SPATA6: variants seen among roughly 807,000 people sequenced by gnomAD.
SPATA6 encodes the protein spermatogenesis associated 6, also known as spermatogenesis-associated protein 6.
SPATA6 carries 56 observed loss-of-function variants against 65.3 expected under a neutral mutation model. That is an observed-to-expected ratio of 0.86 (90% CI 0.69 to 1.07). The LOEUF is 1.07. Among genes scored for constraint, SPATA6 ranks in the 50% least tolerant of loss-of-function variants. The pLI, the probability that SPATA6 is intolerant of heterozygous loss-of-function variation, is 0.00. For missense variants in SPATA6, 590 were observed against 594.8 expected, an observed-to-expected ratio of 0.99 and a Z score of 0.08; for synonymous variants, 199 against 213.2, an observed-to-expected ratio of 0.93 and a Z score of 0.58.
chr1:48,347,714 A>G lies in SPATA6; in HGVS notation c.1194+7956T>C, dbSNP rs111959950. Among the ~76,000 whole-genome samples the G allele has an allele frequency of 5.3e-3, 807 of 152,004 alleles. 1 individual carries two copies. The highest frequency in any genetic ancestry group is 7.9e-3 in the Non-Finnish European group (540 of 67,942). On this transcript the variant is annotated intron_variant, in intron 11 of 12. Transcript: ENST00000371847. ...GGTTTTAAGATTTATAACTTTTCCA[A>G]CTGCTCCTGTAGGTAACATCACTAT...
intron 11 of SPATA6, among the ~76,000 whole-genome samples, chr1:48,314,001 T>G (rs1645316608): frequency 6.6e-6 from 1 of 152,160 alleles, no homozygotes; most frequent in South Asian, 2.1e-4. Flanking sequence ...CTATCCTAAA[T>G]ACATATGCAC....
intron 6 of SPATA6, among the ~76,000 whole-genome samples, chr1:48,402,291 T>G (rs1197880968): frequency 6.6e-6 from 1 of 152,156 alleles, no homozygotes; most frequent in East Asian, 1.9e-4. Context: ...CCTGAGAATG[T>G]ATGTACTTTT....
At chr1:48,423,528 A>T (rs1159424579) in intron 3 of SPATA6, among the ~76,000 whole-genome samples, 7 of 149,436 alleles carry the variant, frequency 4.7e-5, no homozygotes, top group Non-Finnish European at 8.9e-5. Flanking sequence ...GGCAAAACAG[A>T]ACTTTTATTT....
At chr1:48,423,690 G>A (rs1431335750) in intron 3 of SPATA6, among the ~76,000 whole-genome samples, 1 of 149,934 alleles carries the variant, frequency 6.7e-6, no homozygotes, top group Admixed American at 6.7e-5. Flanking sequence ...TGGAATTATA[G>A]GCATCCGCCA....
chr1:48,354,684 T>C (rs1174019275), intron 11 of SPATA6, among the ~76,000 whole-genome samples: 1 of 152,144 alleles, frequency 6.6e-6, no homozygotes, highest in Non-Finnish European at 1.5e-5. Flanking sequence ...GGATGTCATT[T>C]ATATAAAGCT....
intron 1 of SPATA6, among the ~76,000 whole-genome samples, chr1:48,469,301 T>C: frequency 6.6e-6 from 1 of 152,194 alleles, no homozygotes; most frequent in East Asian, 1.9e-4. Context: ...AGTTATTCAT[T>C]GAACTATTCT....
chr1:48,431,527 T>C (rs1221768510), intron 3 of SPATA6, among the ~76,000 whole-genome samples: 1 of 152,168 alleles, frequency 6.6e-6, no homozygotes. Context: ...ATAGACCATA[T>C]GGTAGACCAC....
At chr1:48,369,380 T>G (rs1570340909) in intron 9 of SPATA6, among the ~76,000 whole-genome samples, 1 of 152,266 alleles carries the variant, frequency 6.6e-6, no homozygotes, top group East Asian at 1.9e-4. Context: ...CCCCCAGAGG[T>G]GGAGCCTACA....
chr1:48,323,672 T>A (rs6587862), intron 11 of SPATA6, among the ~76,000 whole-genome samples: 1 of 146,352 alleles, frequency 6.8e-6, no homozygotes, highest in Non-Finnish European at 1.5e-5. Context: ...AAACAGAAGG[T>A]ATTACAAAAG....
intron 1 of SPATA6, 151 bp from the exon 2 acceptor site, chr1:48,453,282 G>A (rs1656744279): frequency 5.7e-6 from 5 of 869,624 alleles, no homozygotes; most frequent in Non-Finnish European, 8.3e-6. Context: ...AGAGACTAGT[G>A]TTTACAGAGT....
At chr1:48,414,810 TACAC>T (rs1652604263) in intron 3 of SPATA6, among the ~76,000 whole-genome samples, 2 of 152,122 alleles carry the variant, frequency 1.3e-5, no homozygotes, top group African/African-American at 4.8e-5. Context: ...TAAGGCATAC[TACAC>T]AGCAAAAAAA....
At chr1:48,350,593 T>A (rs112135742) in intron 11 of SPATA6, among the ~76,000 whole-genome samples, 3,735 of 151,950 alleles carry the variant, frequency 0.025, 98 homozygotes, top group African/African-American at 0.067. Context: ...AAGGGGCTTT[T>A]AAAAAAAATC....
intron 12 of SPATA6, among the ~76,000 whole-genome samples, chr1:48,299,516 G>GGAAAAAAAAAAAAA (rs761355984): frequency 7.9e-5 from 3 of 38,188 alleles, no homozygotes; most frequent in Non-Finnish European, 1.4e-4. Context: ...CTCCGTCTCG[G>GGAAAAAAAAAAAAA]AAAAAAAAAA....
At chr1:48,324,615 C>T (rs192830183) in intron 11 of SPATA6, among the ~76,000 whole-genome samples, 1 of 152,116 alleles carries the variant, frequency 6.6e-6, no homozygotes, top group Non-Finnish European at 1.5e-5. Flanking sequence ...TCAATTAATA[C>T]TAAAAAAGTA....
At chr1:48,308,258 T>G (rs1013113188) in intron 11 of SPATA6, among the ~76,000 whole-genome samples, 12 of 152,018 alleles carry the variant, frequency 7.9e-5, no homozygotes, top group African/African-American at 2.9e-4. Context: ...CTACTTTCCA[T>G]GAGGATTACA....
At chr1:48,469,750 A>AAATT (rs1440570692) in intron 1 of SPATA6, among the ~76,000 whole-genome samples, 12 of 152,046 alleles carry the variant, frequency 7.9e-5, no homozygotes, top group African/African-American at 2.9e-4. Context: ...AATCAAAGCC[A>AAATT]AATTAATCAA....
intron 3 of SPATA6, among the ~76,000 whole-genome samples, chr1:48,428,072 T>C (rs946682781): frequency 1.3e-5 from 2 of 152,198 alleles, no homozygotes; most frequent in African/African-American, 4.8e-5. Flanking sequence ...TATTCTTTCT[T>C]GTAGCTCCAT....
intron 11 of SPATA6, chr1:48,325,499 GA>G (rs2148713675): frequency 8.1e-7 from 1 of 1,235,130 alleles, no homozygotes; most frequent in East Asian, 2.3e-5. Context: ...CTGAGTTGAT[GA>G]TCTCATCATC....
chr1:48,345,556 G>A (rs1370389891), intron 11 of SPATA6, among the ~76,000 whole-genome samples: 12 of 151,996 alleles, frequency 7.9e-5, no homozygotes, highest in Admixed American at 7.9e-4. Context: ...AAATCCAGGA[G>A]CTGTTTTTCT....
Sources: allele counts gnomAD v4.1 joint callset (sites outside exome capture counted in the v4.1 genomes callset), GRCh38; gene constraint gnomAD v4.1.1; transcripts MANE v1.5; gene names NCBI Gene and HGNC (gene_info 2026-07-23, HGNC 2026-07-21).